The following FBLN1 variants were observed in gnomAD, a reference collection of about 807,000 sequenced individuals.
FBLN1 encodes fibulin 1.
Under a neutral mutation model 89.7 loss-of-function variants are expected in FBLN1, and 34 were observed. The ratio of observed to expected loss-of-function variants is 0.38; its 90% CI spans 0.29 to 0.50. The LOEUF (loss-of-function observed/expected upper bound fraction) is 0.50. Among genes scored for constraint, FBLN1 ranks in the 20% least tolerant of loss-of-function variants. The pLI, the probability that FBLN1 is intolerant of heterozygous loss-of-function variation, is 0.92. For missense variants in FBLN1, 777 were observed against 988.1 expected (o/e 0.79, Z 2.86); for synonymous variants, 393 against 391.3 (o/e 1.00, Z -0.05).
rs557616460 is a variant in FBLN1 at position 45,562,546 on chromosome 22, G to A, written c.1697+11931G>A. ...GGTCACCTCCGAGACACAACCAAGA[G>A]CCCTGCGTAGCCCTGGCCACTGTCT... On this transcript the variant is annotated intron_variant, in intron 14 of 16. Coordinates refer to ENST00000327858, the MANE Select transcript of FBLN1 (RefSeq NM_006486.3). The surrounding 1 kb of genome is among the most constrained non-coding windows in gnomAD (Gnocchi z 7.8). 6.6e-6 allele frequency among the ~76,000 whole-genome samples: 1 copy of A among 152,204 alleles called. No individual in the cohort carries two copies.
chr22:45,556,281 C>G lies in FBLN1; in HGVS notation c.1697+5666C>G, dbSNP rs1029212152. ...AAAATGCTGGGATTACAGTCGTGAG[C>G]CACAGCACCTGGCCATGTTTTTAAA... On this transcript the variant is annotated intron_variant, in intron 14 of 16. Coordinates refer to ENST00000327858, the MANE Select transcript of FBLN1 (RefSeq NM_006486.3). This position sits in a 1 kb window ranked among gnomAD's most constrained non-coding sequence, Gnocchi z 4.6. Among the ~76,000 whole-genome samples the G allele has an allele frequency of 6.6e-6, 1 of 152,200 alleles. No homozygotes were observed. Among genetic ancestry groups the G allele is most frequent in the East Asian group, 1.9e-4 (1 of 5,202 alleles).
intron 14 of FBLN1, chr22:45,564,834 A>T: frequency 6.2e-7 from 1 of 1,609,662 alleles, no homozygotes; most frequent in South Asian, 1.1e-5. Context: ...GCCCTGGCTT[A>T]TGTCACTAGC....
intron 1 of FBLN1, among the ~76,000 whole-genome samples, chr22:45,514,195 G>A (rs140437238): frequency 4.8e-4 from 73 of 152,314 alleles, no homozygotes; most frequent in African/African-American, 1.7e-3. Flanking sequence ...TGTGCTTCAG[G>A]GAACCTGTTC....
chr22:45,570,419 A>G (rs56062226), intron 14 of FBLN1, among the ~76,000 whole-genome samples: 3,683 of 151,636 alleles, frequency 0.024, 156 homozygotes, highest in African/African-American at 0.083. Context: ...AGTCAGAATT[A>G]GAAGAAAACT....
chr22:45,519,680 A>T lies in FBLN1; in HGVS notation c.185+893A>T, dbSNP rs919354874. 2.0e-5 allele frequency among the ~76,000 whole-genome samples: 3 copies of T among 151,570 alleles called. No individual in the cohort carries two copies. In the East Asian group the frequency reaches 5.8e-4, roughly 29 times the overall value. ...AGATTAGGTCATGCTGATCATCATC[A>T]TAAAAATAATAGTGAAAACCCCAGA... On this transcript the variant is annotated intron_variant, in intron 2 of 16. Coordinates refer to ENST00000327858, the MANE Select transcript of FBLN1 (RefSeq NM_006486.3).
rs74801622 is a variant in FBLN1, at chr22:45,548,713, C to T, written c.1542C>T (p.Tyr514=). The T allele has an allele frequency of 7.1e-4, 1,147 of 1,613,626 alleles. 5 individuals carry two copies. In the African/African-American group the frequency reaches 0.014, roughly 20 times the overall value. The change falls in exon 13 of 17, where the codon TAC becomes TAT. Residue 514 remains tyrosine (Y), a synonymous_variant. Coordinates refer to ENST00000327858, the MANE Select transcript of FBLN1 (RefSeq NM_006486.3). ...SFQCSCPSSG[Y]RLAPNGRNCQ... is the part of the protein sequence containing the mutation. Reference sequence around the variant, plus strand: ...AGTGCAGCTGCCCCTCGTCTGGCTACAGGCTGGCCCCCAATGGCCGCAACT... The same window carrying T: ...AGTGCAGCTGCCCCTCGTCTGGCTATAGGCTGGCCCCCAATGGCCGCAACT...
intron 2 of FBLN1, among the ~76,000 whole-genome samples, chr22:45,524,334 G>A (rs7287086): frequency 0.019 from 2,845 of 152,314 alleles, 47 homozygotes; most frequent in South Asian, 0.029. Context: ...GGGGCCACCC[G>A]TGACACACTC....
chr22:45,517,461 G>T, intron 1 of FBLN1: 1 of 445,436 alleles, frequency 2.2e-6, no homozygotes. Context: ...TGGGGCTGTA[G>T]CCTGGGCTGG....
At chr22:45,546,158 C>T (rs1051279747) in intron 11 of FBLN1, among the ~76,000 whole-genome samples, 7 of 140,858 alleles carry the variant, frequency 5.0e-5, no homozygotes, top group African/African-American at 8.2e-5. Flanking sequence ...CCAGCCTGGG[C>T]GACAGACAAA....
chr22:45,558,884 A>G (rs1277090614), intron 14 of FBLN1, among the ~76,000 whole-genome samples: 1 of 152,188 alleles, frequency 6.6e-6, no homozygotes, highest in Admixed American at 6.5e-5. Context: ...TGGCATGCAA[A>G]TGTCTCACTA....
At position 45,560,805 on chromosome 22, in the gene FBLN1, G is replaced by A. The variant is rs570212598; in HGVS notation, c.1697+10190G>A. Among the ~76,000 whole-genome samples, 13 of 152,214 alleles carry A rather than the reference G, an allele frequency of 8.5e-5. No individual in the cohort carries two copies. The South Asian group carries it at 1.9e-3, about 22-fold the overall frequency. ...CTCTCAACCTCATCTCTAGGGGCCC[G>A]CCAGGACTTTAGTCTAGTTATAGGT... is the stretch of plus-strand genomic sequence containing the variant. On this transcript the variant is annotated intron_variant, in intron 14 of 16. Transcript: ENST00000327858.
rs1266194585 is a variant in FBLN1, at chr22:45,576,094, C to G, written c.1841-883C>G. 6.6e-6 allele frequency among the ~76,000 whole-genome samples: 1 copy of G among 152,196 alleles called. No homozygotes were observed. The highest frequency in any genetic ancestry group is 1.5e-5 in the Non-Finnish European group (1 of 68,032). On this transcript the variant is annotated intron_variant, in intron 15 of 16. Transcript: ENST00000327858. The surrounding 1 kb of genome is among the most constrained non-coding windows in gnomAD (Gnocchi z 5.2). ...CACGTGGTTGCCCAAGGAGCCGTCC[C>G]CAGTCCCAGTCCCCCTAGGTTTGCT...
At chr22:45,518,158 T>G (rs555348828) in intron 1 of FBLN1, among the ~76,000 whole-genome samples, 8 of 148,626 alleles carry the variant, frequency 5.4e-5, no homozygotes, top group African/African-American at 2.0e-4. Context: ...AAAAAGAAAA[T>G]TTTTTTTTCC....
intron 8 of FBLN1, among the ~76,000 whole-genome samples, chr22:45,539,535 C>A (rs1196691760): frequency 1.3e-5 from 2 of 152,066 alleles, no homozygotes; most frequent in Admixed American, 6.5e-5. Flanking sequence ...AAGGAATGGG[C>A]CAGGGCTTCC....
chr22:45,567,524 G>A (rs528685865), intron 14 of FBLN1, among the ~76,000 whole-genome samples: 1 of 152,308 alleles, frequency 6.6e-6, no homozygotes, highest in East Asian at 1.9e-4. Context: ...GCTGAGGCAG[G>A]AGAACTGCTT....
At chr22:45,507,489 C>T (rs769307188) in intron 1 of FBLN1, among the ~76,000 whole-genome samples, 15 of 152,234 alleles carry the variant, frequency 9.9e-5, no homozygotes, top group South Asian at 8.3e-4. Flanking sequence ...AGCAGCCCTA[C>T]GAAATAGGTG....
Position 45,568,637 on chromosome 22 carries a change from C to T in FBLN1, c.1698-5874C>T, listed in dbSNP as rs76732109. Among the ~76,000 whole-genome samples the T allele has an allele frequency of 2.3e-3, 202 of 88,466 alleles. 35 individuals are homozygous for T. Among genetic ancestry groups the T allele is most frequent in the African/African-American group, 0.012 (180 of 14,578 alleles). 58.0% of individuals were successfully genotyped at this position (88,466 alleles called of 152,430 possible). A position where few individuals can be genotyped will look rare whatever the true frequency, so the allele number is the denominator to read the frequency against. On this transcript the variant is annotated intron_variant, in intron 14 of 16. Coordinates refer to ENST00000327858, the MANE Select transcript of FBLN1 (RefSeq NM_006486.3). ...GAATGCTCCTCCTGTAAGGGAATGC[C>T]TCTTCTGTGGGAGAATGCTCCTTCT... is the stretch of plus-strand genomic sequence containing the variant.
At chr22:45,571,879 C>T (rs2147024096) in intron 14 of FBLN1, among the ~76,000 whole-genome samples, 1 of 152,182 alleles carries the variant, frequency 6.6e-6, no homozygotes, top group South Asian at 2.1e-4. Context: ...ACCTATAATC[C>T]CAGCACTATG....
At chr22:45,503,187 G>T in intron 1 of FBLN1, 123 bp downstream of exon 1, 1 of 530,116 alleles carries the variant, frequency 1.9e-6, no homozygotes, top group Non-Finnish European at 2.5e-6. Context: ...GGCGCCCCCG[G>T]ACTGTCAGCG....
Sources: allele counts gnomAD v4.1 joint callset (sites outside exome capture counted in the v4.1 genomes callset), GRCh38; gene constraint gnomAD v4.1.1; non-coding constraint Gnocchi (gnomAD v3.1); transcripts MANE v1.5; gene names NCBI Gene and HGNC (gene_info 2026-07-23, HGNC 2026-07-21).